The following ASCC2 variants were observed in gnomAD, a reference collection of about 807,000 sequenced individuals.
ASCC2 encodes the protein ASC-1 complex subunit P100.
ASCC2 carries 42 observed loss-of-function variants against 93.5 expected under a neutral mutation model. The observed-to-expected ratio is 0.45, with a 90% CI of 0.35 to 0.58. ASCC2 has a LOEUF of 0.58. Among genes scored for constraint, ASCC2 ranks in the 20% least tolerant of loss-of-function variants. The probability of loss-of-function intolerance (pLI) is 0.00; values close to 1 mark genes in which losing one functional copy is unlikely to be tolerated. For missense variants in ASCC2, 859 were observed against 977.6 expected (o/e 0.88, Z 1.62); for synonymous variants, 364 against 384.2 (o/e 0.95, Z 0.62).
At chr22:29,829,812 C>T (rs990418293) in intron 2 of ASCC2, among the ~76,000 whole-genome samples, 6 of 152,036 alleles carry the variant, frequency 3.9e-5, no homozygotes, top group African/African-American at 7.2e-5. Flanking sequence ...CGTGAGCTAC[C>T]GGGCCTGGCC....
At position 29,827,899 on chromosome 22, in the gene ASCC2, GACAC is replaced by G. The variant is rs5844872; in HGVS notation, c.82-2123_82-2120del. Among the ~76,000 whole-genome samples, 335 of 39,988 alleles carry G rather than the reference GACAC, an allele frequency of 8.4e-3. 48 individuals carry two copies. The highest frequency in any genetic ancestry group is 0.039 in the Middle Eastern group (3 of 76). The allele number at this position is 39,988 out of a possible 152,430, so 26.2% of individuals were successfully genotyped here. A position where few individuals can be genotyped will look rare whatever the true frequency, so the allele number is the denominator to read the frequency against. On this transcript the variant is annotated intron_variant, in intron 2 of 19. Transcript: ENST00000307790. Reference sequence around the variant, plus strand: ...CACACACCAGGCTACTCATTCTTCTGACACACACACACACACACACACACACACA... The same window carrying G: ...CACACACCAGGCTACTCATTCTTCTGACACACACACACACACACACACACA...
rs531737086 is a variant in ASCC2 at position 29,789,311 on chromosome 22, A to G, written c.2103-127T>C. The G allele has an allele frequency of 5.1e-5, 58 of 1,126,670 alleles. No individual in the cohort carries two copies. In the South Asian group the frequency reaches 7.5e-4, roughly 15 times the overall value. 69.8% of individuals were successfully genotyped at this position (1,126,670 alleles called of 1,614,324 possible). ...ACTGGGCCTGGTCACTCATGTCCCAACTTCAGATGGAAGGAGAGATGGAGC... is the reference window on the plus strand; with the variant it reads ...ACTGGGCCTGGTCACTCATGTCCCAGCTTCAGATGGAAGGAGAGATGGAGC... On this transcript the variant is annotated intron_variant, in intron 19 of 19. Transcript: ENST00000307790.
At chr22:29,824,966 A>T in intron 4 of ASCC2, 121 bp downstream of exon 4, 1 of 994,056 alleles carries the variant, frequency 1.0e-6, no homozygotes, top group Middle Eastern at 2.8e-4. Flanking sequence ...GTGGGAATAA[A>T]GATGGAAGAG....
chr22:29,795,316 C>A (rs114695535), intron 15 of ASCC2, among the ~76,000 whole-genome samples: 1,554 of 152,260 alleles, frequency 0.01, 26 homozygotes, highest in African/African-American at 0.036. Flanking sequence ...TCTGCTTCAG[C>A]CTTCCAAAAT....
intron 4 of ASCC2, 133 bp from the exon 5 acceptor site, chr22:29,822,597 G>A (rs938939055): frequency 1.0e-6 from 1 of 979,726 alleles, no homozygotes; most frequent in Non-Finnish European, 1.5e-6. Flanking sequence ...CATAGACCTG[G>A]AGCAATGGCC....
At chr22:29,824,288 ACACT>A (rs752416712) in intron 4 of ASCC2, among the ~76,000 whole-genome samples, 1 of 147,566 alleles carries the variant, frequency 6.8e-6, no homozygotes, top group Non-Finnish European at 1.5e-5. Flanking sequence ...ACACACACAC[ACACT>A]CAAAGGGAAC....
intron 1 of ASCC2, among the ~76,000 whole-genome samples, chr22:29,835,664 A>G (rs1019855984): frequency 2.0e-5 from 3 of 152,158 alleles, no homozygotes; most frequent in South Asian, 4.1e-4. Context: ...TTGCTATGAG[A>G]AGTAATCAAT....
chr22:29,790,197 G>T (rs1437268050), intron 19 of ASCC2, among the ~76,000 whole-genome samples: 1 of 152,174 alleles, frequency 6.6e-6, no homozygotes. Context: ...GGTTATGAGT[G>T]GGGACCCTGG....
intron 13 of ASCC2, among the ~76,000 whole-genome samples, chr22:29,804,427 C>A (rs2059441296): frequency 6.6e-6 from 1 of 152,224 alleles, no homozygotes; most frequent in Non-Finnish European, 1.5e-5. Context: ...AAGCAACTTG[C>A]TCTCTCCTCA....
intron 1 of ASCC2, chr22:29,834,556 A>G (rs1170027365): frequency 2.1e-6 from 1 of 470,942 alleles, no homozygotes; most frequent in Non-Finnish European, 4.4e-6. Context: ...GTGGCCTGAA[A>G]AAAAATCACA....
chr22:29,793,545 G>A, intron 16 of ASCC2, 32 bp downstream of exon 16: 1 of 1,613,710 alleles, frequency 6.2e-7, no homozygotes, highest in Non-Finnish European at 8.5e-7. Flanking sequence ...TGGTTTCCCT[G>A]GCCCAGCAGA....
At chr22:29,811,243 G>A (rs930845457) in intron 8 of ASCC2, among the ~76,000 whole-genome samples, 1 of 152,174 alleles carries the variant, frequency 6.6e-6, no homozygotes, top group African/African-American at 2.4e-5. Flanking sequence ...TTTTTAAAAG[G>A]AGGGAGACAT....
rs573106213 is a variant in ASCC2, at chr22:29,821,056, C to G, written c.541+1279G>C. Among the ~76,000 whole-genome samples, 103 of 152,300 alleles carry G rather than the reference C, an allele frequency of 6.8e-4. 1 individual carries two copies. The highest frequency in any genetic ancestry group is 1.9e-3 in the Admixed American group (29 of 15,302). The stretch of plus-strand genomic sequence containing the variant: ...GGCAAGGGCGTCCAGGGTGAGCACC[C>G]CTCTGTGCCAGGCCCAGCTCCATGA... On this transcript the variant is annotated intron_variant, in intron 5 of 19. Transcript: ENST00000307790.
chr22:29,836,096 G>T (rs2063746022), intron 1 of ASCC2, among the ~76,000 whole-genome samples: 1 of 152,064 alleles, frequency 6.6e-6, no homozygotes, highest in Non-Finnish European at 1.5e-5. Flanking sequence ...GGAGATTGAG[G>T]TTGCAATGAG....
Position 29,789,070 on chromosome 22 carries a change from G to T in ASCC2, c.2217C>A (p.Asn739Lys), listed in dbSNP as rs1313313975. The change falls in exon 20 of 20, where the codon AAC becomes AAA. Residue 739 changes from asparagine to lysine, a missense_variant. Transcript: ENST00000307790. ...KKEANKATRA[N>K]HNRRTMADRK... ...GGTCGGCCATGGTTCTCCGGTTGTG[G>T]TTGGCTCTTGTCGCCTTGTTGGCTT... 2 of 1,614,172 alleles carry T rather than the reference G, an allele frequency of 1.2e-6. No homozygotes were observed. Among genetic ancestry groups the T allele is most frequent in the South Asian group, 2.2e-5 (2 of 91,082 alleles).
At chr22:29,793,807 G>C in intron 15 of ASCC2, 131 bp from the exon 16 acceptor site, 1 of 877,316 alleles carries the variant, frequency 1.1e-6, no homozygotes, top group Non-Finnish European at 1.7e-6. Flanking sequence ...ATGAAATCAA[G>C]CATTGGTGAG....
At chr22:29,803,293 AATTAT>A (rs1743578598) in intron 13 of ASCC2, among the ~76,000 whole-genome samples, 2 of 151,820 alleles carry the variant, frequency 1.3e-5, no homozygotes, top group South Asian at 4.1e-4. Context: ...ACAAATAAAT[AATTAT>A]ATTAAATTAA....
At chr22:29,796,075 C>CTG (rs1283800124) in intron 15 of ASCC2, among the ~76,000 whole-genome samples, 4 of 151,910 alleles carry the variant, frequency 2.6e-5, no homozygotes, top group African/African-American at 9.7e-5. Flanking sequence ...AGGACTGCAG[C>CTG]CTTCAGCATG....
At chr22:29,819,491 T>A (rs2061304189) in intron 5 of ASCC2, among the ~76,000 whole-genome samples, 1 of 152,060 alleles carries the variant, frequency 6.6e-6, no homozygotes, top group Non-Finnish European at 1.5e-5. Flanking sequence ...CCTGCACCCA[T>A]CCTATGGGTA....
Sources: allele counts gnomAD v4.1 joint callset (sites outside exome capture counted in the v4.1 genomes callset), GRCh38; gene constraint gnomAD v4.1.1; transcripts MANE v1.5; gene names NCBI Gene and HGNC (gene_info 2026-07-23, HGNC 2026-07-21).